POLA1: variants seen among roughly 807,000 people sequenced by gnomAD.
POLA1 encodes DNA polymerase alpha 1, catalytic subunit.
Under a neutral mutation model 124.0 loss-of-function variants are expected in POLA1, and 15 were observed. The ratio of observed to expected loss-of-function variants is 0.12; its 90% CI spans 0.08 to 0.19. The LOEUF is 0.19. Among genes scored for constraint, POLA1 ranks in the 10% least tolerant of loss-of-function variants. The pLI is 1.00. For missense variants in POLA1, 886 were observed against 1,103.4 expected (o/e 0.80, Z 2.79); for synonymous variants, 408 against 389.4 (o/e 1.05, Z -0.56).
chrX:24,877,488 T>C lies in POLA1; in HGVS notation c.4048-10518T>C, dbSNP rs752746116. On this transcript the variant is annotated intron_variant, in intron 34 of 36. Coordinates refer to ENST00000379068, the MANE Select transcript of POLA1 (RefSeq NM_001330360.2). ...TACTGGACAATCTCTGATCAGCTACTTAAAAAGGAGGCTGGAGGAGGGGGC... is the reference window on the plus strand; with the variant it reads ...TACTGGACAATCTCTGATCAGCTACCTAAAAAGGAGGCTGGAGGAGGGGGC... Among the ~76,000 whole-genome samples, 8 of 111,753 alleles carry C rather than the reference T, an allele frequency of 7.2e-5. No homozygotes were observed. The East Asian group carries it at 2.3e-3, about 32-fold the overall frequency.
At chrX:24,840,763 T>C (rs1209648068) in intron 32 of POLA1, among the ~76,000 whole-genome samples, 1 of 112,362 alleles carries the variant, frequency 8.9e-6, no homozygotes, top group East Asian at 2.8e-4. Context: ...GATAGAAATA[T>C]TGTCTCTTAT....
In POLA1 at chrX:24,826,614, A is replaced by G. The variant is rs369732587; in HGVS notation, c.3736+13A>G. On this transcript the variant is annotated intron_variant, in intron 32 of 36. Transcript: ENST00000379068. ...GCAACGTGGTTGGGTAAGTGTCCCA[A>G]GCTCACATAGAACCTCACATGGTAA... 32 of 1,134,092 alleles carry G rather than the reference A, an allele frequency of 2.8e-5. No individual in the cohort carries two copies. In the African/African-American group the frequency reaches 3.2e-4, roughly 11 times the overall value. 93.5% of individuals were successfully genotyped at this position (1,134,092 alleles called of 1,213,427 possible).
intron 14 of POLA1, 140 bp downstream of exon 14, chrX:24,727,211 G>GT: frequency 2.1e-6 from 1 of 484,900 alleles, no homozygotes; most frequent in East Asian, 4.1e-5. Flanking sequence ...CGTTGAGTGA[G>GT]TATAGGGAGT....
At chrX:24,887,948 A>T in intron 34 of POLA1, 58 bp from the exon 35 acceptor site, 1 of 688,054 alleles carries the variant, frequency 1.5e-6, no homozygotes. Context: ...AACCAAAAAA[A>T]GGTTTATTAC....
At chrX:24,866,092 C>A (rs1389129976) in intron 34 of POLA1, among the ~76,000 whole-genome samples, 1 of 111,910 alleles carries the variant, frequency 8.9e-6, no homozygotes, top group East Asian at 2.8e-4. Flanking sequence ...TATTTTCCAT[C>A]TGAATTTTTA....
intron 34 of POLA1, among the ~76,000 whole-genome samples, chrX:24,883,576 A>T (rs1377766884): frequency 3.6e-5 from 4 of 112,274 alleles, no homozygotes; most frequent in African/African-American, 1.3e-4. Context: ...ACAATTTCAT[A>T]CACAATGATT....
chrX:24,990,136 T>A (rs748528626), intron 36 of POLA1, among the ~76,000 whole-genome samples: 14 of 112,367 alleles, frequency 1.2e-4, no homozygotes, highest in Non-Finnish European at 1.7e-4. Flanking sequence ...GTAACAGAGT[T>A]AAATGTACCA....
intron 36 of POLA1, among the ~76,000 whole-genome samples, chrX:24,942,717 G>T (rs760185185): frequency 9.8e-5 from 11 of 111,778 alleles, no homozygotes; most frequent in Non-Finnish European, 2.1e-4. Context: ...TTGAGATAGG[G>T]TCTCGCTCTG....
intron 35 of POLA1, among the ~76,000 whole-genome samples, chrX:24,925,295 T>C (rs773271036): frequency 2.7e-5 from 3 of 111,656 alleles, no homozygotes; most frequent in Non-Finnish European, 3.8e-5. Flanking sequence ...AATGTACCAG[T>C]TGATGATGCA....
intron 34 of POLA1, among the ~76,000 whole-genome samples, chrX:24,881,691 A>G (rs1450049708): frequency 8.9e-6 from 1 of 111,808 alleles, no homozygotes; most frequent in African/African-American, 3.3e-5. Flanking sequence ...TGGTTAAGAG[A>G]CAGTGCACCG....
intron 35 of POLA1, among the ~76,000 whole-genome samples, chrX:24,919,249 T>G (rs1322309117): frequency 8.9e-6 from 1 of 112,420 alleles, no homozygotes; most frequent in African/African-American, 3.2e-5. Context: ...CTCCTGATTC[T>G]CTCTATGCCA....
chrX:24,743,605 T>A lies in POLA1; in HGVS notation c.2566+276T>A, dbSNP rs371422079. 6.2e-5 allele frequency among the ~76,000 whole-genome samples: 7 copies of A among 112,086 alleles called. No individual in the cohort carries two copies. The East Asian group carries it at 1.9e-3, about 31-fold the overall frequency. Reference sequence around the variant, plus strand: ...ATATGTCATGAAATATTGTTTTTGATTTTTTTCCAGCCATTTAAAAATGTA... The same window carrying A: ...ATATGTCATGAAATATTGTTTTTGAATTTTTTCCAGCCATTTAAAAATGTA... On this transcript the variant is annotated intron_variant, in intron 23 of 36. Transcript: ENST00000379068.
intron 35 of POLA1, among the ~76,000 whole-genome samples, chrX:24,920,648 C>T (rs1209811046): frequency 1.8e-5 from 2 of 112,143 alleles, no homozygotes; most frequent in Non-Finnish European, 3.8e-5. Context: ...AGCTGCATGA[C>T]CTAAGGCAAG....
chrX:24,875,376 G>A (rs576390826), intron 34 of POLA1, among the ~76,000 whole-genome samples: 1 of 111,505 alleles, frequency 9.0e-6, no homozygotes, highest in South Asian at 3.8e-4. Context: ...TGGCATTAAG[G>A]GTTATATTTC....
intron 26 of POLA1, among the ~76,000 whole-genome samples, chrX:24,754,167 C>T (rs1932468474): frequency 1.8e-5 from 2 of 110,814 alleles, no homozygotes. Flanking sequence ...AAGAATTTTA[C>T]AATTAAATAT....
intron 36 of POLA1, among the ~76,000 whole-genome samples, chrX:24,933,527 C>A (rs1395575848): frequency 9.0e-6 from 1 of 111,695 alleles, no homozygotes; most frequent in African/African-American, 3.3e-5. Flanking sequence ...AGAATGGAGT[C>A]TAAGTGTCTT....
intron 34 of POLA1, among the ~76,000 whole-genome samples, chrX:24,855,134 GAT>G (rs1433572455): frequency 1.8e-5 from 2 of 111,435 alleles, no homozygotes; most frequent in African/African-American, 3.3e-5. Context: ...TAATTGGAAA[GAT>G]AAATACAAGA....
chrX:24,853,325 A>G (rs2046589752), intron 34 of POLA1, among the ~76,000 whole-genome samples: 1 of 112,118 alleles, frequency 8.9e-6, no homozygotes, highest in Admixed American at 9.4e-5. Context: ...CAAATCTGGT[A>G]ATGATATGGT....
At chrX:24,896,412 A>G (rs1222799510) in intron 35 of POLA1, among the ~76,000 whole-genome samples, 1 of 112,105 alleles carries the variant, frequency 8.9e-6, no homozygotes, top group Non-Finnish European at 1.9e-5. Context: ...TCAAATTTGT[A>G]AACTTTCTTA....
Sources: gnomAD v4.1 joint callset for allele counts (sites outside exome capture counted in the v4.1 genomes callset) on GRCh38, gnomAD v4.1.1 for gene constraint, MANE v1.5 for transcripts, NCBI Gene and HGNC (gene_info 2026-07-23, HGNC 2026-07-21) for gene names.